Variants in BCO1 observed in about 807,000 individuals in gnomAD.
The protein encoded by BCO1 is beta-carotene oxygenase 1.
BCO1 carries 54 observed loss-of-function variants against 56.3 expected under a neutral mutation model. The observed-to-expected ratio is 0.96, with a 90% CI of 0.77 to 1.20. BCO1 has a LOEUF of 1.20. BCO1 is among the 50% of genes most tolerant of loss of function. The pLI is 0.00. For synonymous variants in BCO1, 318 were observed against 266.1 expected (o/e 1.20, Z -1.90); for missense variants, 801 against 690.9 (o/e 1.16, Z -1.79).
intron 2 of BCO1, among the ~76,000 whole-genome samples, chr16:81,248,993 C>T (rs1332414055): frequency 6.6e-6 from 1 of 152,052 alleles, no homozygotes; most frequent in Non-Finnish European, 1.5e-5. Context: ...GCCTGGGTGA[C>T]ACAGTGAGAC....
chr16:81,248,819 C>T (rs926906600), intron 2 of BCO1, among the ~76,000 whole-genome samples: 7 of 152,170 alleles, frequency 4.6e-5, no homozygotes, highest in African/African-American at 1.2e-4. Flanking sequence ...CAAGACCAGC[C>T]TGGCCAACAT....
chr16:81,269,637 T>G (rs1907062119), intron 6 of BCO1, among the ~76,000 whole-genome samples: 1 of 152,138 alleles, frequency 6.6e-6, no homozygotes, highest in South Asian at 2.1e-4. Context: ...CTGGCTAATT[T>G]TTTGTATTTT....
At chr16:81,279,428 A>G (rs1162091108) in intron 7 of BCO1, among the ~76,000 whole-genome samples, 1 of 151,884 alleles carries the variant, frequency 6.6e-6, no homozygotes, top group East Asian at 1.9e-4. Flanking sequence ...TGGCAGCAAT[A>G]TAATAATAAT....
chr16:81,268,343 A>G (rs1906965169), intron 6 of BCO1, among the ~76,000 whole-genome samples: 1 of 152,126 alleles, frequency 6.6e-6, no homozygotes, highest in Non-Finnish European at 1.5e-5. Context: ...GAGTTATTGG[A>G]TGAGGCTGTC....
intron 9 of BCO1, 80 bp downstream of exon 9, chr16:81,285,714 C>A (rs950665206): frequency 3.8e-5 from 42 of 1,107,920 alleles, no homozygotes; most frequent in Admixed American, 2.3e-4. Flanking sequence ...GGTTCTGAGA[C>A]GTTGATTAGA....
chr16:81,270,046 G>GAT, intron 6 of BCO1, 113 bp from the exon 7 acceptor site: 1 of 1,354,668 alleles, frequency 7.4e-7, no homozygotes, highest in Non-Finnish European at 1.0e-6. Flanking sequence ...GCAGAATGGG[G>GAT]ACATAGTCCT....
At chr16:81,259,584 C>G in intron 2 of BCO1, 92 bp from the exon 3 acceptor site, 2 of 1,539,928 alleles carry the variant, frequency 1.3e-6, no homozygotes, top group Non-Finnish European at 1.8e-6. Context: ...TAACCACCTT[C>G]TTCTCCCAGT....
At chr16:81,287,914 G>T (rs557843539) in intron 10 of BCO1, among the ~76,000 whole-genome samples, 1 of 152,156 alleles carries the variant, frequency 6.6e-6, no homozygotes, top group Non-Finnish European at 1.5e-5. Flanking sequence ...TTGGGACTCA[G>T]TCATGTAAAC....
chr16:81,258,088 G>A (rs1906258488), intron 2 of BCO1, among the ~76,000 whole-genome samples: 1 of 152,084 alleles, frequency 6.6e-6, no homozygotes, highest in Non-Finnish European at 1.5e-5. Context: ...GCTTCTCAAA[G>A]CTAGAAAAAT....
Position 81,290,907 on chromosome 16 carries a change from C to T in BCO1, c.*330C>T. On this transcript the variant is annotated 3_prime_UTR_variant, in exon 11 of 11. Coordinates refer to ENST00000258168, the MANE Select transcript of BCO1 (RefSeq NM_017429.3). ...ACATTATCATCATTTTTAGAACGAG[C>T]CACTAACCTATTAGAGAAGAGGCAG... 1 of 246,662 alleles carries T rather than the reference C, an allele frequency of 4.1e-6. No homozygotes were observed. Among genetic ancestry groups the T allele is most frequent in the South Asian group, 7.7e-5 (1 of 12,946 alleles). The allele number at this position is 246,662 out of a possible 1,614,324, so 15.3% of individuals were successfully genotyped here.
chr16:81,261,011 C>A (rs1319568477), intron 3 of BCO1, among the ~76,000 whole-genome samples: 1 of 152,214 alleles, frequency 6.6e-6, no homozygotes, highest in Non-Finnish European at 1.5e-5. Flanking sequence ...GAACTGAAGT[C>A]ATCTCTCCCA....
chr16:81,243,064 G>A (rs1431049786), intron 1 of BCO1, among the ~76,000 whole-genome samples: 1 of 152,128 alleles, frequency 6.6e-6, no homozygotes, highest in African/African-American at 2.4e-5. Flanking sequence ...AAGAAGATGG[G>A]TGCCTGCCAG....
intron 7 of BCO1, among the ~76,000 whole-genome samples, chr16:81,271,287 G>A (rs1179553267): frequency 2.0e-5 from 3 of 151,438 alleles, no homozygotes; most frequent in Admixed American, 6.6e-5. Flanking sequence ...GCTAATTTTT[G>A]TATTTTTAGA....
rs957853597 is a variant in BCO1, at chr16:81,270,215, C to T, written c.900C>T (p.Tyr300=). ...GGCAGCCTGTGCAGACCAAGTTTTA[C>T]ACAGACGCCATGGTGGTCTTCCATC... ...RTRQPVQTKF[Y]TDAMVVFHHV... is the part of the protein sequence containing the mutation. The change falls in exon 7 of 11, where the codon TAC becomes TAT. Residue 300 remains tyrosine, a synonymous_variant. Coordinates refer to ENST00000258168, the MANE Select transcript of BCO1 (RefSeq NM_017429.3). The T allele has an allele frequency of 1.9e-6, 3 of 1,614,196 alleles. No homozygotes were observed. Among genetic ancestry groups the T allele is most frequent in the Non-Finnish European group, 1.7e-6 (2 of 1,180,036 alleles).
intron 7 of BCO1, among the ~76,000 whole-genome samples, chr16:81,279,069 G>T (rs1014309606): frequency 6.6e-6 from 1 of 151,534 alleles, no homozygotes; most frequent in Non-Finnish European, 1.5e-5. Flanking sequence ...TTGAGCCCAG[G>T]AGTTCGAGAC....
intron 1 of BCO1, 97 bp from the exon 2 acceptor site, chr16:81,245,378 T>A: frequency 1.3e-6 from 2 of 1,566,588 alleles, no homozygotes; most frequent in Middle Eastern, 1.7e-4. Flanking sequence ...GGAGTGGTAC[T>A]GGGACCACAA....
chr16:81,275,118 C>G (rs914828309), intron 7 of BCO1, among the ~76,000 whole-genome samples: 1 of 152,270 alleles, frequency 6.6e-6, no homozygotes, highest in Non-Finnish European at 1.5e-5. Flanking sequence ...CCTGATCCAG[C>G]AGCTTTGGCT....
At chr16:81,252,727 T>G (rs1905886227) in intron 2 of BCO1, among the ~76,000 whole-genome samples, 1 of 152,094 alleles carries the variant, frequency 6.6e-6, no homozygotes, top group Non-Finnish European at 1.5e-5. Flanking sequence ...TGAGGACCAG[T>G]GAGTATGTGT....
intron 7 of BCO1, among the ~76,000 whole-genome samples, chr16:81,274,842 C>T (rs891212305): frequency 6.6e-6 from 1 of 151,892 alleles, no homozygotes; most frequent in South Asian, 2.1e-4. Context: ...CCCACCACTG[C>T]ACTCCAGCCT....
Sources: allele counts gnomAD v4.1 joint callset (sites outside exome capture counted in the v4.1 genomes callset), GRCh38; gene constraint gnomAD v4.1.1; transcripts MANE v1.5; gene names NCBI Gene and HGNC (gene_info 2026-07-23, HGNC 2026-07-21).